Variants in CDK14 observed in about 807,000 individuals in gnomAD.
CDK14 encodes the protein cyclin-dependent kinase 14.
CDK14 carries 34 observed loss-of-function variants against 60.7 expected under a neutral mutation model. The observed-to-expected ratio is 0.56, with a 90% CI of 0.43 to 0.75. The LOEUF is 0.75. Ranked by LOEUF, CDK14 falls within the 30% of genes least tolerant of loss-of-function variation. CDK14 has a pLI of 0.00. For synonymous variants in CDK14, 197 were observed against 203.7 expected (o/e 0.97, Z 0.28); for missense variants, 482 against 564.1 (o/e 0.85, Z 1.47).
In CDK14 at chr7:91,044,607, T is replaced by C. The variant is rs546957936; in HGVS notation, c.1042-1290T>C. 3.1e-4 allele frequency among the ~76,000 whole-genome samples: 47 copies of C among 152,232 alleles called. No homozygotes were observed. The South Asian group carries it at 7.1e-3, about 23-fold the overall frequency. ...GCCTGAGCTGGTTTTTCAGGTTAAC[T>C]TGAGAATGCCTTTGGCTGAGAGGAG... is the stretch of plus-strand genomic sequence containing the variant. On this transcript the variant is annotated intron_variant, in intron 10 of 14. Coordinates refer to ENST00000380050, the MANE Select transcript of CDK14 (RefSeq NM_001287135.2).
chr7:90,733,208 T>A (rs978208567), intron 3 of CDK14, among the ~76,000 whole-genome samples: 1 of 152,202 alleles, frequency 6.6e-6, no homozygotes, highest in Non-Finnish European at 1.5e-5. Flanking sequence ...TGAGAGACTA[T>A]TATGATTTCC....
At chr7:91,029,638 C>CCCTCTCCCCTCTCT (rs1796702589) in intron 10 of CDK14, among the ~76,000 whole-genome samples, 1 of 151,196 alleles carries the variant, frequency 6.6e-6, no homozygotes, top group African/African-American at 2.4e-5. Context: ...CTCCCCTCTC[C>CCCTCTCCCCTCTCT]CCTTCCCCTT....
intron 9 of CDK14, among the ~76,000 whole-genome samples, chr7:90,973,130 C>G (rs1223729875): frequency 1.3e-5 from 2 of 152,186 alleles, no homozygotes; most frequent in Non-Finnish European, 2.9e-5. Flanking sequence ...GAATCAGAAA[C>G]AGCTTGACAC....
At chr7:90,599,295 A>T (rs1447214342) in intron 1 of CDK14, among the ~76,000 whole-genome samples, 1 of 152,236 alleles carries the variant, frequency 6.6e-6, no homozygotes, top group East Asian at 1.9e-4. Flanking sequence ...TAGGAATTCC[A>T]TCATACTGAC....
intron 7 of CDK14, 88 bp from the exon 8 acceptor site, chr7:90,917,513 A>G (rs1396277884): frequency 1.6e-6 from 2 of 1,284,212 alleles, no homozygotes; most frequent in East Asian, 4.9e-5. Flanking sequence ...ATTTTCCCTA[A>G]ATATTAATAC....
intron 2 of CDK14, among the ~76,000 whole-genome samples, chr7:90,649,252 CTTTCTTTCTT>C (rs1800538383): frequency 2.2e-5 from 1 of 45,396 alleles, no homozygotes; most frequent in African/African-American, 8.1e-5. Flanking sequence ...TTCTTTCTTT[CTTTCTTTCTT>C]TCTTTCTTTC....
At chr7:90,894,575 C>T (rs1030750121) in intron 6 of CDK14, among the ~76,000 whole-genome samples, 1 of 152,058 alleles carries the variant, frequency 6.6e-6, no homozygotes, top group Non-Finnish European at 1.5e-5. Context: ...ATTTTTTTCT[C>T]CAGTCCTAAT....
chr7:90,820,205 T>C (rs898095120), intron 5 of CDK14, among the ~76,000 whole-genome samples: 1 of 152,206 alleles, frequency 6.6e-6, no homozygotes, highest in African/African-American at 2.4e-5. Flanking sequence ...TTGCTAAATA[T>C]GGCATCTTGA....
chr7:91,016,838 T>C (rs966336483), intron 10 of CDK14, among the ~76,000 whole-genome samples: 1 of 152,162 alleles, frequency 6.6e-6, no homozygotes, highest in African/African-American at 2.4e-5. Context: ...AAACAAAGCA[T>C]TGTCTATAGT....
chr7:90,627,706 G>GAA (rs149217607), intron 2 of CDK14, among the ~76,000 whole-genome samples: 2,796 of 152,256 alleles, frequency 0.018, 82 homozygotes, highest in African/African-American at 0.063. Flanking sequence ...CTCAGAACGT[G>GAA]AATTCAACTG....
At position 90,904,090 on chromosome 7, in the gene CDK14, G is replaced by A. The variant is rs188324752; in HGVS notation, c.702+4737G>A. Among the ~76,000 whole-genome samples the A allele has an allele frequency of 3.9e-5, 6 of 152,220 alleles. No homozygotes were observed. The East Asian group carries it at 1.2e-3, about 29-fold the overall frequency. On this transcript the variant is annotated intron_variant, in intron 7 of 14. Coordinates refer to ENST00000380050, the MANE Select transcript of CDK14 (RefSeq NM_001287135.2). ...CTCCTCAGTCTGCCAGCAGGGGAGT[G>A]GGTGGTGACCCAGAATAAGGTGGGG...
At chr7:90,945,286 A>G (rs943019819) in intron 8 of CDK14, among the ~76,000 whole-genome samples, 1 of 152,208 alleles carries the variant, frequency 6.6e-6, no homozygotes, top group African/African-American at 2.4e-5. Flanking sequence ...TTTTTCATGC[A>G]TTATCTCATC....
At chr7:90,978,500 T>C (rs1459713641) in intron 9 of CDK14, among the ~76,000 whole-genome samples, 2 of 152,154 alleles carry the variant, frequency 1.3e-5, no homozygotes, top group East Asian at 3.8e-4. Flanking sequence ...GGTAAAATTT[T>C]CTAATGTTTA....
intron 14 of CDK14, among the ~76,000 whole-genome samples, chr7:91,186,907 G>A (rs534522189): frequency 6.6e-6 from 1 of 152,278 alleles, no homozygotes; most frequent in South Asian, 2.1e-4. Flanking sequence ...GACATGAAAT[G>A]TTATATTGGT....
At chr7:91,109,959 C>T (rs988402693) in intron 12 of CDK14, among the ~76,000 whole-genome samples, 1 of 151,958 alleles carries the variant, frequency 6.6e-6, no homozygotes, top group Non-Finnish European at 1.5e-5. Context: ...TAATATAAAA[C>T]AAAAATTGAT....
chr7:90,877,152 A>G (rs1791588289), intron 6 of CDK14, among the ~76,000 whole-genome samples: 1 of 152,214 alleles, frequency 6.6e-6, no homozygotes, highest in Non-Finnish European at 1.5e-5. Flanking sequence ...ACCTTTTTAC[A>G]GTCTGTGTAT....
At chr7:90,737,418 A>C (rs2116763755) in intron 3 of CDK14, among the ~76,000 whole-genome samples, 1 of 152,360 alleles carries the variant, frequency 6.6e-6, no homozygotes, top group East Asian at 1.9e-4. Flanking sequence ...AGGAGGGTGC[A>C]AACCTGCAAA....
At chr7:91,108,831 A>G (rs1353632084) in intron 12 of CDK14, among the ~76,000 whole-genome samples, 1 of 152,196 alleles carries the variant, frequency 6.6e-6, no homozygotes, top group African/African-American at 2.4e-5. Context: ...ACATATTTTT[A>G]ATGTCTGTCT....
intron 9 of CDK14, among the ~76,000 whole-genome samples, chr7:90,981,529 T>C (rs1795226975): frequency 6.6e-6 from 1 of 152,234 alleles, no homozygotes; most frequent in African/African-American, 2.4e-5. Context: ...GCAAATACAT[T>C]ACTTCTTTAA....
Sources: gnomAD v4.1 joint callset for allele counts (sites outside exome capture counted in the v4.1 genomes callset) on GRCh38, gnomAD v4.1.1 for gene constraint, MANE v1.5 for transcripts, NCBI Gene and HGNC (gene_info 2026-07-23, HGNC 2026-07-21) for gene names.